DAAM2: variants seen among roughly 807,000 people sequenced by gnomAD.
DAAM2 encodes disheveled-associated activator of morphogenesis 2.
A neutral mutation model predicts 120.7 loss-of-function variants in DAAM2; 39 were observed. That is an observed-to-expected ratio of 0.32 (90% confidence interval 0.25 to 0.42). The LOEUF (loss-of-function observed/expected upper bound fraction) is 0.42. Among genes scored for constraint, DAAM2 ranks in the 10% least tolerant of loss-of-function variants. DAAM2 has a pLI of 1.00. For missense variants in DAAM2, 1,283 were observed against 1,401.7 expected (o/e 0.92, Z 1.35); for synonymous variants, 488 against 524.9 (o/e 0.93, Z 0.96).
At chr6:39,815,286 C>T (rs952505812) in intron 1 of DAAM2, among the ~76,000 whole-genome samples, 3 of 152,140 alleles carry the variant, frequency 2.0e-5, no homozygotes, top group South Asian at 2.1e-4. Flanking sequence ...CCACTGAATT[C>T]GTTAAGATTA....
Position 39,878,240 on chromosome 6 carries a change from C to G in DAAM2, c.1339C>G (p.Gln447Glu), listed in dbSNP as rs183543237. ...NENEVKQWRD[Q>E]AEKFRKEHME... ...GAATGAAGTGAAACAGTGGCGAGAC[C>G]AGGCAGAGAAGTTCCGGAAAGGTGA... The change falls in exon 12 of 25, where the codon CAG becomes GAG. Residue 447 changes from glutamine (Q) to glutamate (E), a missense_variant. Transcript: ENST00000274867. The surrounding 1 kb of genome is among the most constrained non-coding windows in gnomAD (Gnocchi z 5.0). 4,052 of 1,613,986 alleles carry G rather than the reference C, an allele frequency of 2.5e-3. 9 individuals are homozygous for G. Among genetic ancestry groups the G allele is most frequent in the Non-Finnish European group, 3.2e-3 (3,818 of 1,179,890 alleles).
Position 39,845,015 on chromosome 6 carries a change from C to A in DAAM2, c.-56-11232C>A, listed in dbSNP as rs1763506876. On this transcript the variant is annotated intron_variant, in intron 1 of 24. Transcript: ENST00000274867. ...ACTACACACACCACACATACACACC[C>A]CCCCACACATATACATACACCACAC... is the stretch of plus-strand genomic sequence containing the variant. Among the ~76,000 whole-genome samples, 4 of 148,880 alleles carry A rather than the reference C, an allele frequency of 2.7e-5. No homozygotes were observed. The South Asian group carries it at 8.6e-4, about 32-fold the overall frequency.
At chr6:39,803,381 C>T (rs1029293039) in intron 1 of DAAM2, among the ~76,000 whole-genome samples, 1 of 152,226 alleles carries the variant, frequency 6.6e-6, no homozygotes, top group Non-Finnish European at 1.5e-5. Context: ...TCACAGCTCC[C>T]AGGCTCTTTC....
In DAAM2 at chr6:39,904,451, C is replaced by T. The variant is rs1338566396; in HGVS notation, c.*2414C>T. ...ATAGGTTGTTTCTTGGTCTTGCTTT[C>T]TTCATGCCCTCCCCACTGCTCCTGC... On this transcript the variant is annotated 3_prime_UTR_variant, in exon 25 of 25. Coordinates refer to ENST00000274867, the MANE Select transcript of DAAM2 (RefSeq NM_001201427.2). The T allele has an allele frequency of 2.2e-6, 1 of 454,668 alleles. No homozygotes were observed. The highest frequency in any genetic ancestry group is 4.4e-6 in the Non-Finnish European group (1 of 226,966). 28.2% of individuals were successfully genotyped at this position (454,668 alleles called of 1,614,324 possible).
rs374163638 is a variant in DAAM2 at position 39,896,841 on chromosome 6, C to G, written c.2371C>G (p.Arg791Gly). 16 of 1,607,664 alleles carry G rather than the reference C, an allele frequency of 1.0e-5. No homozygotes were observed. The African/African-American group carries it at 1.9e-4, about 19-fold the overall frequency. Reference sequence around the variant, plus strand: ...CCTGTTGGCCTCCCGGGAGCTGGTCCGCAGCAAGCGTCTTAGACAGATGCT... The same window carrying G: ...CCTGTTGGCCTCCCGGGAGCTGGTCGGCAGCAAGCGTCTTAGACAGATGCT... ...AILLASRELV[R>G]SKRLRQMLEV... The change falls in exon 20 of 25, where the codon CGC becomes GGC. Residue 791 changes from arginine (R) to glycine (G), a missense_variant. This residue lies in a region of DAAM2 where 748 missense variants were observed against 768.6 expected (regional missense o/e 0.97). Transcript: ENST00000274867.
chr6:39,844,861 G>A (rs1763498846), intron 1 of DAAM2, among the ~76,000 whole-genome samples: 1 of 146,666 alleles, frequency 6.8e-6, no homozygotes, highest in African/African-American at 2.5e-5. Flanking sequence ...TTTTGGAGAT[G>A]GACACATATA....
Position 39,901,853 on chromosome 6 carries a change from G to A in DAAM2, c.3023G>A (p.Arg1008Gln), listed in dbSNP as rs748063271. 4.2e-5 allele frequency: 66 copies of A among 1,572,700 alleles called. No homozygotes were observed. In the South Asian group the frequency reaches 4.5e-4, roughly 11 times the overall value. Residue 1008 changes from arginine (R) to glutamine (Q), a missense_variant, in exon 25 of 25, where the codon CGG (arginine) becomes CAG (glutamine). Physicochemically the swap from Arg to Gln is conservative, Grantham distance 43. Coordinates refer to ENST00000274867, the MANE Select transcript of DAAM2 (RefSeq NM_001201427.2). The surrounding 1 kb of genome is among the most constrained non-coding windows in gnomAD (Gnocchi z 4.5). ...QRERERWQRQ[R>Q]KVLAAGSSLE... ...GAACGTGAGCGGTGGCAGCGGCAGC[G>A]GAAGGTCCTGGCTGCAGGCAGCTCG...
At chr6:39,867,304 A>T in intron 5 of DAAM2, 1 of 587,680 alleles carries the variant, frequency 1.7e-6, no homozygotes, top group Non-Finnish European at 3.0e-6. Context: ...TGATATGCAA[A>T]TACAGAGTAT....
At chr6:39,795,574 G>A (rs141407627) in intron 1 of DAAM2, among the ~76,000 whole-genome samples, 1 of 152,272 alleles carries the variant, frequency 6.6e-6, no homozygotes, top group African/African-American at 2.4e-5. Context: ...AGCTCAGAAT[G>A]TTATAAGACC....
At chr6:39,863,256 C>T (rs1000636622) in intron 3 of DAAM2, among the ~76,000 whole-genome samples, 5 of 151,868 alleles carry the variant, frequency 3.3e-5, no homozygotes, top group African/African-American at 9.7e-5. Flanking sequence ...ATGTGTTTGC[C>T]GACACAATTG....
intron 9 of DAAM2, among the ~76,000 whole-genome samples, chr6:39,872,377 G>A (rs916287364): frequency 1.3e-5 from 2 of 152,120 alleles, no homozygotes; most frequent in Admixed American, 6.5e-5. Context: ...GGAAGGCATC[G>A]GCCTAGGAGG....
intron 1 of DAAM2, among the ~76,000 whole-genome samples, chr6:39,806,463 G>A (rs1376066012): frequency 3.3e-5 from 5 of 152,120 alleles, no homozygotes. Context: ...ATCATTCAGA[G>A]CTGCTCCTAG....
At chr6:39,857,706 G>T (rs1485137536) in intron 2 of DAAM2, among the ~76,000 whole-genome samples, 1 of 152,276 alleles carries the variant, frequency 6.6e-6, no homozygotes, top group Admixed American at 6.5e-5. Context: ...CCCTTGCATG[G>T]CACTTTAGCA....
At chr6:39,870,508 G>A in intron 8 of DAAM2, 65 bp downstream of exon 8, 2 of 1,062,458 alleles carry the variant, frequency 1.9e-6, no homozygotes, top group Non-Finnish European at 2.8e-6. Flanking sequence ...GGGGATAGTT[G>A]GGACCTTTGT....
intron 1 of DAAM2, among the ~76,000 whole-genome samples, chr6:39,809,081 C>T (rs770905266): frequency 1.3e-4 from 20 of 152,120 alleles, no homozygotes; most frequent in Non-Finnish European, 2.2e-4. Context: ...GAGATGGTGA[C>T]GCACTCAGGA....
intron 19 of DAAM2, among the ~76,000 whole-genome samples, chr6:39,896,350 GCAC>G (rs1766089161): frequency 6.6e-6 from 1 of 151,976 alleles, no homozygotes; most frequent in African/African-American, 2.4e-5. Context: ...TTATAGGCAT[GCAC>G]CACCACACCT....
chr6:39,853,224 T>A (rs73734928), intron 1 of DAAM2, among the ~76,000 whole-genome samples: 2,570 of 152,236 alleles, frequency 0.017, 78 homozygotes, highest in African/African-American at 0.058. Flanking sequence ...TTCTAAGGCA[T>A]CTTTTGGCAG....
chr6:39,823,972 T>C (rs1348449543), intron 1 of DAAM2, among the ~76,000 whole-genome samples: 4 of 152,162 alleles, frequency 2.6e-5, no homozygotes, highest in Non-Finnish European at 5.9e-5. Flanking sequence ...CTCTGGTTAC[T>C]GTCCCTCAGC....
intron 7 of DAAM2, among the ~76,000 whole-genome samples, chr6:39,870,075 C>A (rs1362900017): frequency 6.6e-6 from 1 of 152,170 alleles, no homozygotes; most frequent in Non-Finnish European, 1.5e-5. Flanking sequence ...CAACACTGCT[C>A]TTTGGTGCTG....
Sources: gnomAD v4.1 joint callset for allele counts (sites outside exome capture counted in the v4.1 genomes callset) on GRCh38, gnomAD v4.1.1 for gene constraint, gnomAD v4.1.1 regional missense constraint, Gnocchi (gnomAD v3.1) non-coding constraint, MANE v1.5 for transcripts, NCBI Gene and HGNC (gene_info 2026-07-23, HGNC 2026-07-21) for gene names.